Variants in TULP3 observed in about 807,000 individuals in gnomAD.
The protein encoded by TULP3 is TUB like protein 3.
In TULP3, 38 loss-of-function variants were observed where a neutral mutation model predicts 50.7. The observed-to-expected ratio is 0.75, with a 90% CI of 0.58 to 0.98. TULP3 has a LOEUF of 0.98. TULP3 is among the 50% of genes least tolerant of loss of function. The pLI, the probability that TULP3 is intolerant of heterozygous loss-of-function variation, is 0.00. For missense variants in TULP3, 550 were observed against 568.0 expected (o/e 0.97, Z 0.32); for synonymous variants, 183 against 196.6 (o/e 0.93, Z 0.58).
chr12:2,905,509 A>G (rs1319360420), intron 1 of TULP3, among the ~76,000 whole-genome samples: 1 of 152,170 alleles, frequency 6.6e-6, no homozygotes, highest in African/African-American at 2.4e-5. Flanking sequence ...ATAGGTTATA[A>G]TTTAACTAAA....
chr12:2,895,848 C>T (rs1429688577), intron 1 of TULP3, among the ~76,000 whole-genome samples: 1 of 152,142 alleles, frequency 6.6e-6, no homozygotes, highest in Non-Finnish European at 1.5e-5. Context: ...GGCTACAAAG[C>T]TATACAGCCT....
At chr12:2,932,521 A>G (rs2098198692) in intron 6 of TULP3, among the ~76,000 whole-genome samples, 1 of 147,796 alleles carries the variant, frequency 6.8e-6, no homozygotes, top group Non-Finnish European at 1.5e-5. Flanking sequence ...CAGAGGTTGC[A>G]GTGAGCTGTG....
intron 1 of TULP3, among the ~76,000 whole-genome samples, chr12:2,901,761 GT>G (rs2098179442): frequency 6.6e-6 from 1 of 152,116 alleles, no homozygotes; most frequent in South Asian, 2.1e-4. Flanking sequence ...TTGGATATAT[GT>G]TTCACAAATA....
intron 9 of TULP3, 23 bp downstream of exon 9, chr12:2,937,752 C>G (rs889516555): frequency 1.3e-6 from 2 of 1,533,162 alleles, no homozygotes; most frequent in African/African-American, 2.8e-5. Flanking sequence ...GTATTTAAAT[C>G]AGTGAAAGAC....
rs376841586 is a variant in TULP3, at chr12:2,894,300, C to CG, written c.41+3322dup. Among the ~76,000 whole-genome samples the CG allele has an allele frequency of 3.1e-4, 23 of 74,836 alleles. No individual in the cohort carries two copies. The South Asian group carries it at 6.0e-3, about 19-fold the overall frequency. 49.1% of individuals were successfully genotyped at this position (74,836 alleles called of 152,430 possible). On this transcript the variant is annotated intron_variant, in intron 1 of 10. Transcript: ENST00000448120. The stretch of plus-strand genomic sequence containing the variant: ...AGGCCGAGATGGCGGGGGGGCGGGG[C>CG]GGGGGGGGGGAAATCACCTGAGGTC...
chr12:2,918,242 T>G (rs2098189789), intron 2 of TULP3, among the ~76,000 whole-genome samples: 1 of 150,098 alleles, frequency 6.7e-6, no homozygotes, highest in Non-Finnish European at 1.5e-5. Flanking sequence ...GCCTCCCAAG[T>G]AGCCGGGATT....
Position 2,922,398 on chromosome 12 carries a change from G to GCT in TULP3, c.391_392insTC (p.His131LeufsTer8), listed in dbSNP as rs747502688. ...CAGGACTTCAGGAGCGTCTCCAAAA[G>GCT]CATGGTGAGGACTGGTAATGATTTT... On this transcript the variant is annotated frameshift_variant, in exon 4 of 11. Transcript: ENST00000448120. LOFTEE classifies it high-confidence loss of function. 17 of 1,611,952 alleles carry GCT rather than the reference G, an allele frequency of 1.1e-5. No individual in the cohort carries two copies. The highest frequency in any genetic ancestry group is 1.3e-5 in the Non-Finnish European group (15 of 1,179,554).
At chr12:2,933,293 T>A (rs1796491875) in intron 6 of TULP3, 125 bp from the exon 7 acceptor site, 2 of 628,006 alleles carry the variant, frequency 3.2e-6, no homozygotes, top group Non-Finnish European at 2.8e-6. Context: ...GCCCAAAGAT[T>A]AACAGCTTGA....
Position 2,940,570 on chromosome 12 carries a change from C to T in TULP3, c.*1126C>T. On this transcript the variant is annotated 3_prime_UTR_variant, in exon 11 of 11. Transcript: ENST00000448120. ...TGAGAATGCAGGAGCTCTGTGAGCT[C>T]CACCGTCAGCACCATTCAGCTGCAT... The T allele has an allele frequency of 6.4e-7, 1 of 1,551,582 alleles. No individual in the cohort carries two copies. The highest frequency in any genetic ancestry group is 1.4e-5 in the African/African-American group (1 of 73,178).
intron 1 of TULP3, among the ~76,000 whole-genome samples, chr12:2,904,252 A>G (rs2098180969): frequency 6.6e-6 from 1 of 152,118 alleles, no homozygotes; most frequent in African/African-American, 2.4e-5. Flanking sequence ...GGTTCACCAC[A>G]TTGTCAGAAA....
intron 6 of TULP3, among the ~76,000 whole-genome samples, chr12:2,932,098 T>C (rs2098198403): frequency 6.6e-6 from 1 of 152,204 alleles, no homozygotes; most frequent in Admixed American, 6.5e-5. Flanking sequence ...GATGCCTATA[T>C]AGGATGGTAT....
At chr12:2,935,215 G>A (rs2153950467) in intron 8 of TULP3, among the ~76,000 whole-genome samples, 1 of 152,216 alleles carries the variant, frequency 6.6e-6, no homozygotes, top group Middle Eastern at 3.4e-3. Flanking sequence ...TTCTAGCCAA[G>A]CAGCCCTCCT....
chr12:2,891,475 ACTT>A (rs1324277526), intron 1 of TULP3, among the ~76,000 whole-genome samples: 1 of 152,056 alleles, frequency 6.6e-6, no homozygotes, highest in African/African-American at 2.4e-5. Flanking sequence ...GAAACGCGAA[ACTT>A]CTTTTTCCTC....
At chr12:2,900,922 A>G (rs142647223) in intron 1 of TULP3, among the ~76,000 whole-genome samples, 2,169 of 137,556 alleles carry the variant, frequency 0.016, 30 homozygotes, top group Non-Finnish European at 0.024. Context: ...CATGTTGCCC[A>G]GGCTGGTCTT....
intron 1 of TULP3, among the ~76,000 whole-genome samples, chr12:2,892,316 A>G (rs778209147): frequency 2.0e-5 from 3 of 151,834 alleles, no homozygotes; most frequent in Non-Finnish European, 4.4e-5. Context: ...TGTAAGTGGT[A>G]GAGGAGATAA....
intron 7 of TULP3, among the ~76,000 whole-genome samples, chr12:2,934,120 C>T (rs1331249105): frequency 1.3e-5 from 2 of 151,872 alleles, no homozygotes; most frequent in Non-Finnish European, 2.9e-5. Context: ...TGGCAGTTCT[C>T]ACCTGTAGCC....
intron 4 of TULP3, among the ~76,000 whole-genome samples, chr12:2,929,676 C>T (rs1042423263): frequency 1.3e-5 from 2 of 151,828 alleles, no homozygotes; most frequent in East Asian, 1.9e-4. Flanking sequence ...CTGCAAGCTC[C>T]GCCTCCCAGG....
In TULP3 at chr12:2,939,182, G is replaced by A. The variant is rs566362136; in HGVS notation, c.1196-129G>A. 2.0e-6 allele frequency: 2 copies of A among 1,015,140 alleles called. No homozygotes were observed. The allele number at this position is 1,015,140 out of a possible 1,614,324, so 62.9% of individuals were successfully genotyped here. A position where few individuals can be genotyped will look rare whatever the true frequency, so the allele number is the denominator to read the frequency against. On this transcript the variant is annotated intron_variant, in intron 10 of 10. Coordinates refer to ENST00000448120, the MANE Select transcript of TULP3 (RefSeq NM_003324.5). The surrounding 1 kb of genome is among the most constrained non-coding windows in gnomAD (Gnocchi z 4.0). ...GGAGGTCAAGGCTGCAGTGAGCTGT[G>A]GTCATTCCACTAGGCTCCAGCCAGG...
At chr12:2,925,040 C>T (rs967538644) in intron 4 of TULP3, among the ~76,000 whole-genome samples, 1 of 151,734 alleles carries the variant, frequency 6.6e-6, no homozygotes, top group Non-Finnish European at 1.5e-5. Context: ...TGGTGGCGGG[C>T]GCCTGTAGTC....
Sources: gnomAD v4.1 joint callset for allele counts (sites outside exome capture counted in the v4.1 genomes callset) on GRCh38, gnomAD v4.1.1 for gene constraint, Gnocchi (gnomAD v3.1) non-coding constraint, MANE v1.5 for transcripts, NCBI Gene and HGNC (gene_info 2026-07-23, HGNC 2026-07-21) for gene names.